The following NRXN3 variants were observed in gnomAD, a reference collection of about 807,000 sequenced individuals.
NRXN3 encodes neurexin III.
In NRXN3, 32 loss-of-function variants were observed where a neutral mutation model predicts 137.6. The observed-to-expected ratio is 0.23, with a 90% CI of 0.18 to 0.31. The LOEUF is 0.31. Among genes scored for constraint, NRXN3 ranks in the 10% least tolerant of loss-of-function variants. The pLI is 1.00. For missense variants in NRXN3, 1,574 were observed against 2,062.5 expected (o/e 0.76, Z 4.59); for synonymous variants, 798 against 784.5 (o/e 1.02, Z -0.29).
chr14:79,346,929 C>T (rs1432476561), intron 15 of NRXN3, among the ~76,000 whole-genome samples: 1 of 152,250 alleles, frequency 6.6e-6, no homozygotes, highest in African/African-American at 2.4e-5. Flanking sequence ...CTCGTAGGCT[C>T]TCAATAACAG....
intron 4 of NRXN3, among the ~76,000 whole-genome samples, chr14:78,456,135 C>T (rs536181095): frequency 1.4e-4 from 22 of 152,298 alleles, no homozygotes; most frequent in East Asian, 5.8e-4. Context: ...TGTAAACAGT[C>T]GCAGGACAAA....
At chr14:79,314,793 C>G (rs1455105342) in intron 15 of NRXN3, among the ~76,000 whole-genome samples, 1 of 144,718 alleles carries the variant, frequency 6.9e-6, no homozygotes, top group Non-Finnish European at 1.5e-5. Flanking sequence ...AGGCACCCCC[C>G]AGCAGGGGTA....
intron 8 of NRXN3, among the ~76,000 whole-genome samples, chr14:78,721,812 G>C (rs1054107824): frequency 4.6e-5 from 7 of 151,794 alleles, no homozygotes; most frequent in African/African-American, 1.7e-4. Flanking sequence ...CAAGAAATGT[G>C]CAATTCATTT....
At chr14:79,141,921 A>G (rs1291068374) in intron 15 of NRXN3, among the ~76,000 whole-genome samples, 3 of 152,168 alleles carry the variant, frequency 2.0e-5, no homozygotes, top group Admixed American at 2.0e-4. Context: ...AAACAAATCA[A>G]TCACTCTTGA....
intron 4 of NRXN3, among the ~76,000 whole-genome samples, chr14:78,419,986 C>CACACACACAGA (rs10676901): frequency 6.7e-6 from 1 of 150,118 alleles, no homozygotes; most frequent in Non-Finnish European, 1.5e-5. Context: ...CACACACACA[C>CACACACACAGA]GTAAAGTCCT....
intron 16 of NRXN3, among the ~76,000 whole-genome samples, chr14:79,660,404 A>C (rs1320255171): frequency 6.6e-6 from 1 of 152,150 alleles, no homozygotes; most frequent in Non-Finnish European, 1.5e-5. Context: ...AAACAAAATG[A>C]AACACCTGGG....
rs149710366 is a variant in NRXN3, at chr14:78,228,635, G to A, written c.-703-13756G>A. ...CATGTAAGTGCTAATATTACCTCTCGCATTTTACAAATGAGAACACTGAGG... is the reference window on the plus strand; with the variant it reads ...CATGTAAGTGCTAATATTACCTCTCACATTTTACAAATGAGAACACTGAGG... On this transcript the variant is annotated intron_variant, in intron 1 of 20. Transcript: ENST00000335750. Among the ~76,000 whole-genome samples, 15 of 152,132 alleles carry A rather than the reference G, an allele frequency of 9.9e-5. No individual in the cohort carries two copies. The South Asian group carries it at 2.5e-3, about 25-fold the overall frequency.
chr14:79,613,850 T>C (rs1259328962), intron 16 of NRXN3, among the ~76,000 whole-genome samples: 1 of 152,252 alleles, frequency 6.6e-6, no homozygotes, highest in East Asian at 1.9e-4. Flanking sequence ...AAACCACGGC[T>C]GAAATATGCC....
chr14:79,723,766 C>T (rs1457704643), intron 19 of NRXN3, among the ~76,000 whole-genome samples: 1 of 152,174 alleles, frequency 6.6e-6, no homozygotes, highest in Non-Finnish European at 1.5e-5. Context: ...CATCTCCTCA[C>T]TGGCATCAGT....
chr14:78,576,961 G>T (rs66704337), intron 4 of NRXN3, among the ~76,000 whole-genome samples: 5,140 of 152,238 alleles, frequency 0.034, 93 homozygotes, highest in Middle Eastern at 0.078. Flanking sequence ...AATGATTTAT[G>T]ACCTTCTGTC....
chr14:79,738,108 A>G (rs2098948404), intron 19 of NRXN3, among the ~76,000 whole-genome samples: 1 of 152,196 alleles, frequency 6.6e-6, no homozygotes, highest in African/African-American at 2.4e-5. Flanking sequence ...GAGAGAGTGC[A>G]TTAGCCCACC....
chr14:79,548,694 A>G (rs2097344615), intron 16 of NRXN3, among the ~76,000 whole-genome samples: 1 of 152,000 alleles, frequency 6.6e-6, no homozygotes, highest in East Asian at 1.9e-4. Flanking sequence ...CAAGGCATCA[A>G]CATCTTGAAT....
chr14:78,585,203 A>C (rs956208035), intron 4 of NRXN3, among the ~76,000 whole-genome samples: 1 of 152,118 alleles, frequency 6.6e-6, no homozygotes, highest in African/African-American at 2.4e-5. Flanking sequence ...GTAGTATTCA[A>C]GCTCATACCT....
At chr14:79,564,218 G>C (rs2097528119) in intron 16 of NRXN3, among the ~76,000 whole-genome samples, 1 of 151,780 alleles carries the variant, frequency 6.6e-6, no homozygotes, top group African/African-American at 2.4e-5. Flanking sequence ...TCTTTGCATA[G>C]TGGTTTGAGG....
intron 15 of NRXN3, among the ~76,000 whole-genome samples, chr14:79,044,734 A>T (rs1362667438): frequency 1.3e-5 from 2 of 151,986 alleles, no homozygotes; most frequent in Non-Finnish European, 2.9e-5. Flanking sequence ...TATATACCAC[A>T]CATATGTACA....
intron 2 of NRXN3, among the ~76,000 whole-genome samples, chr14:78,257,300 C>T (rs1008170517): frequency 3.3e-5 from 5 of 152,228 alleles, no homozygotes; most frequent in African/African-American, 1.2e-4. Flanking sequence ...TAAGTTTATT[C>T]ACCTGACATT....
chr14:78,778,764 CTTT>C (rs2098756080), intron 8 of NRXN3, among the ~76,000 whole-genome samples: 2 of 31,064 alleles, frequency 6.4e-5, no homozygotes, highest in Admixed American at 4.0e-4. Flanking sequence ...CTTTCTCTTT[CTTT>C]CTTTCTTTCT....
At chr14:78,518,572 G>A (rs986029764) in intron 4 of NRXN3, among the ~76,000 whole-genome samples, 1 of 152,124 alleles carries the variant, frequency 6.6e-6, no homozygotes, top group African/African-American at 2.4e-5. Flanking sequence ...AGCAGAAACA[G>A]GGTTTGATTT....
chr14:79,571,451 A>T (rs1229556602), intron 16 of NRXN3, among the ~76,000 whole-genome samples: 2 of 152,184 alleles, frequency 1.3e-5, no homozygotes, highest in Non-Finnish European at 2.9e-5. Flanking sequence ...ACATATGACT[A>T]AAATAGGAAC....
Sources: allele counts gnomAD v4.1 joint callset (sites outside exome capture counted in the v4.1 genomes callset), GRCh38; gene constraint gnomAD v4.1.1; transcripts MANE v1.5; gene names NCBI Gene and HGNC (gene_info 2026-07-23, HGNC 2026-07-21).